CNTN4: variants seen among roughly 807,000 people sequenced by gnomAD.
CNTN4 encodes the protein contactin 4.
CNTN4 carries 77 observed loss-of-function variants against 122.5 expected under a neutral mutation model. That is an observed-to-expected ratio of 0.63 (90% CI 0.52 to 0.76). The LOEUF (loss-of-function observed/expected upper bound fraction) is 0.76. Among genes scored for constraint, CNTN4 ranks in the 30% least tolerant of loss-of-function variants. The probability of loss-of-function intolerance (pLI) is 0.00; values close to 1 mark genes in which losing one functional copy is unlikely to be tolerated. For missense variants in CNTN4, 1,256 were observed against 1,259.1 expected (o/e 1.00, Z 0.04); for synonymous variants, 512 against 447.0 (o/e 1.15, Z -1.83).
At chr3:3,042,739 A>G (rs1417381046) in intron 21 of CNTN4, 1 of 594,468 alleles carries the variant, frequency 1.7e-6, no homozygotes, top group Non-Finnish European at 3.0e-6. Flanking sequence ...AAAAGAAAAT[A>G]ATGAACGACG....
At chr3:2,275,512 T>TTTCACAATTATATATTATTAATGTGAAA (rs2041471520) in intron 2 of CNTN4, among the ~76,000 whole-genome samples, 1 of 152,202 alleles carries the variant, frequency 6.6e-6, no homozygotes, top group Admixed American at 6.5e-5. Flanking sequence ...TAGCAATGAA[T>TTTCACAATTATATATTATTAATGTGAAA]TTCACAATTA....
intron 3 of CNTN4, among the ~76,000 whole-genome samples, chr3:2,450,413 A>C (rs906921419): frequency 3.9e-5 from 6 of 152,038 alleles, no homozygotes; most frequent in Admixed American, 1.3e-4. Context: ...AAAAGATGCC[A>C]GTCAGGTGTG....
intron 9 of CNTN4, among the ~76,000 whole-genome samples, chr3:2,884,391 CAAAT>C (rs2093946237): frequency 6.6e-6 from 1 of 152,044 alleles, no homozygotes; most frequent in Non-Finnish European, 1.5e-5. Context: ...CAAGTCGTGA[CAAAT>C]AAGCTACAGT....
At chr3:3,042,826 A>T (rs1167612658) in intron 21 of CNTN4, 151 bp from the exon 22 acceptor site, 7 of 693,138 alleles carry the variant, frequency 1.0e-5, no homozygotes, top group Non-Finnish European at 1.8e-5. Context: ...ATTTCTCAGG[A>T]TATACAGAGT....
rs373262763 is a variant in CNTN4 at position 2,830,126 on chromosome 3, A to G, written c.454+10545A>G. Among the ~76,000 whole-genome samples, 43 of 152,204 alleles carry G rather than the reference A, an allele frequency of 2.8e-4. 1 individual carries two copies. The South Asian group carries it at 6.9e-3, about 24-fold the overall frequency. On this transcript the variant is annotated intron_variant, in intron 7 of 24. Transcript: ENST00000418658. ...CACTTGCTTTTGTGCAAACGTTTCT[A>G]TGTGCTTTATTGGGCAGAAACCAAG...
intron 4 of CNTN4, among the ~76,000 whole-genome samples, chr3:2,578,530 A>G (rs144508647): frequency 6.6e-6 from 1 of 152,292 alleles, no homozygotes; most frequent in East Asian, 1.9e-4. Flanking sequence ...ATAAACAGAG[A>G]CACAGGCAAC....
intron 2 of CNTN4, among the ~76,000 whole-genome samples, chr3:2,313,150 A>T (rs1399836631): frequency 6.6e-6 from 1 of 152,032 alleles, no homozygotes; most frequent in East Asian, 1.9e-4. Context: ...AAAAATAGAA[A>T]ACAACAGAAA....
At chr3:2,582,733 C>T (rs1015358039) in intron 4 of CNTN4, among the ~76,000 whole-genome samples, 2 of 152,074 alleles carry the variant, frequency 1.3e-5, no homozygotes, top group African/African-American at 4.8e-5. Flanking sequence ...AGTCACTTCA[C>T]CTATTTTCAA....
chr3:2,433,194 T>C (rs951322652), intron 3 of CNTN4, among the ~76,000 whole-genome samples: 1 of 152,180 alleles, frequency 6.6e-6, no homozygotes, highest in African/African-American at 2.4e-5. Context: ...GTAATTCTAT[T>C]TTTAGTTTTC....
intron 2 of CNTN4, among the ~76,000 whole-genome samples, chr3:2,231,005 CAAAAG>C (rs1041926662): frequency 2.0e-5 from 3 of 151,852 alleles, no homozygotes; most frequent in African/African-American, 7.3e-5. Flanking sequence ...CAAAACAAAA[CAAAAG>C]AAATATGATG....
chr3:2,125,179 T>C (rs9862592), intron 2 of CNTN4, among the ~76,000 whole-genome samples: 15,138 of 152,216 alleles, frequency 0.099, 1,814 homozygotes, highest in African/African-American at 0.29. Context: ...TGAGTTTGAC[T>C]ATTTTAGATA....
chr3:3,039,675 A>G (rs1467699749), intron 19 of CNTN4: 3 of 270,580 alleles, frequency 1.1e-5, no homozygotes, highest in Non-Finnish European at 2.2e-5. Context: ...TCTTTTGTCT[A>G]TTTGGCAATG....
chr3:2,186,013 G>A (rs1362962377), intron 2 of CNTN4, among the ~76,000 whole-genome samples: 1 of 152,026 alleles, frequency 6.6e-6, no homozygotes, highest in African/African-American at 2.4e-5. Context: ...CATGAGCCAT[G>A]TTGCTGTGCT....
chr3:2,615,401 A>AT (rs2081675610), intron 4 of CNTN4, among the ~76,000 whole-genome samples: 1 of 152,154 alleles, frequency 6.6e-6, no homozygotes, highest in South Asian at 2.1e-4. Context: ...TTGTGTTGAA[A>AT]TTCCCCCAGA....
chr3:2,767,729 A>T (rs1233150208), intron 6 of CNTN4, among the ~76,000 whole-genome samples: 1 of 152,182 alleles, frequency 6.6e-6, no homozygotes, highest in Non-Finnish European at 1.5e-5. Flanking sequence ...CTCTATGATC[A>T]CGTCTTACGA....
chr3:3,043,978 G>A (rs1700392575), intron 23 of CNTN4, among the ~76,000 whole-genome samples: 1 of 152,128 alleles, frequency 6.6e-6, no homozygotes, highest in Non-Finnish European at 1.5e-5. Context: ...ATACCCTGAA[G>A]AACCACTTTT....
intron 4 of CNTN4, among the ~76,000 whole-genome samples, chr3:2,674,637 A>G (rs766837478): frequency 5.9e-5 from 9 of 152,178 alleles, no homozygotes; most frequent in Non-Finnish European, 1.2e-4. Flanking sequence ...GCATGCCTGT[A>G]TTCCCAGCTA....
intron 3 of CNTN4, among the ~76,000 whole-genome samples, chr3:2,412,216 T>C (rs2047249402): frequency 6.6e-6 from 1 of 152,160 alleles, no homozygotes; most frequent in Non-Finnish European, 1.5e-5. Flanking sequence ...TTCATCCTCC[T>C]CCTAGTGATG....
chr3:2,862,540 A>G (rs987644011), intron 7 of CNTN4, among the ~76,000 whole-genome samples: 1 of 152,198 alleles, frequency 6.6e-6, no homozygotes, highest in East Asian at 1.9e-4. Context: ...AAGTTTCACA[A>G]TCCATTTAAT....
Sources: allele counts gnomAD v4.1 joint callset (sites outside exome capture counted in the v4.1 genomes callset), GRCh38; gene constraint gnomAD v4.1.1; transcripts MANE v1.5; gene names NCBI Gene and HGNC (gene_info 2026-07-23, HGNC 2026-07-21).